Variants in SEC11A observed in about 807,000 individuals in gnomAD.
SEC11A encodes SEC11 homolog A, signal peptidase complex subunit.
SEC11A carries 14 observed loss-of-function variants against 25.6 expected under a neutral mutation model. The observed-to-expected ratio is 0.55, with a 90% CI of 0.36 to 0.85. The LOEUF (loss-of-function observed/expected upper bound fraction) is 0.85, where lower values mean the gene tolerates loss of function less well. Ranked by LOEUF, SEC11A falls within the 40% of genes least tolerant of loss-of-function variation. SEC11A has a pLI of 0.01. For missense variants in SEC11A, 153 were observed against 222.9 expected (o/e 0.69, Z 2.00); for synonymous variants, 83 against 76.4 (o/e 1.09, Z -0.45).
At chr15:84,678,188 C>G (rs1489636734) in intron 4 of SEC11A, among the ~76,000 whole-genome samples, 1 of 151,552 alleles carries the variant, frequency 6.6e-6, no homozygotes, top group East Asian at 1.9e-4. Context: ...CAGAGCAAGA[C>G]TCTCCAGCCT....
At chr15:84,681,950 GT>G (rs1049208825) in intron 3 of SEC11A, among the ~76,000 whole-genome samples, 5 of 152,068 alleles carry the variant, frequency 3.3e-5, no homozygotes, top group African/African-American at 1.2e-4. Context: ...TGCGCCTGTG[GT>G]TCCAGCTGAG....
intron 1 of SEC11A, among the ~76,000 whole-genome samples, chr15:84,711,104 C>T (rs183737891): frequency 3.3e-5 from 5 of 151,026 alleles, no homozygotes; most frequent in Non-Finnish European, 7.4e-5. Flanking sequence ...TAAGGCTGGG[C>T]GCAGTGACTC....
At chr15:84,714,738 G>A (rs1468209166) in intron 1 of SEC11A, 2 of 152,072 alleles carry the variant, frequency 1.3e-5, no homozygotes, top group East Asian at 3.9e-4. Flanking sequence ...TACCTTACAG[G>A]TGTATAAAGT....
At chr15:84,689,607 TTC>T (rs1382241666) in intron 2 of SEC11A, among the ~76,000 whole-genome samples, 26 of 96,914 alleles carry the variant, frequency 2.7e-4, no homozygotes, top group Admixed American at 7.9e-4. Flanking sequence ...TTTCTTTTCT[TTC>T]TTTTTTTTTT....
At chr15:84,708,116 C>A (rs1898151600) in intron 1 of SEC11A, among the ~76,000 whole-genome samples, 1 of 135,542 alleles carries the variant, frequency 7.4e-6, no homozygotes. Flanking sequence ...GAGACTGAGG[C>A]AAGATAATTG....
chr15:84,680,493 C>G (rs781077224), intron 4 of SEC11A, among the ~76,000 whole-genome samples: 3 of 152,098 alleles, frequency 2.0e-5, no homozygotes, highest in Non-Finnish European at 2.9e-5. Flanking sequence ...CACTAGTATT[C>G]TATTCTTTTA....
chr15:84,703,912 T>C (rs1251452420), intron 1 of SEC11A, among the ~76,000 whole-genome samples: 1 of 152,176 alleles, frequency 6.6e-6, no homozygotes, highest in African/African-American at 2.4e-5. Context: ...ACTTCTTCTG[T>C]GGATGTCAGT....
At chr15:84,680,109 A>C in intron 4 of SEC11A, 1 of 521,612 alleles carries the variant, frequency 1.9e-6, no homozygotes, top group South Asian at 3.5e-5. Context: ...GTACTTCTTA[A>C]GAAATATAAA....
intron 3 of SEC11A, among the ~76,000 whole-genome samples, chr15:84,681,984 G>A (rs1298753259): frequency 6.6e-6 from 1 of 152,120 alleles, no homozygotes; most frequent in East Asian, 1.9e-4. Context: ...CCTAAGCCCA[G>A]GGAGATTGAG....
intron 1 of SEC11A, among the ~76,000 whole-genome samples, chr15:84,712,787 T>C (rs1473459632): frequency 6.6e-6 from 1 of 152,158 alleles, no homozygotes; most frequent in Non-Finnish European, 1.5e-5. Flanking sequence ...ACTCTATGAT[T>C]CCATTTATAT....
chr15:84,674,620 GTGA>G (rs1342398034), intron 4 of SEC11A, among the ~76,000 whole-genome samples: 1 of 152,036 alleles, frequency 6.6e-6, no homozygotes, highest in African/African-American at 2.4e-5. Context: ...ATGCAGTGGT[GTGA>G]TCATAGCTCA....
chr15:84,711,193 G>A (rs947225501), intron 1 of SEC11A, among the ~76,000 whole-genome samples: 1 of 151,898 alleles, frequency 6.6e-6, no homozygotes, highest in Admixed American at 6.6e-5. Flanking sequence ...ACCAGCCTGG[G>A]CAACCTGGTG....
At chr15:84,691,927 C>T (rs1897619960) in intron 1 of SEC11A, 1 of 223,064 alleles carries the variant, frequency 4.5e-6, no homozygotes, top group South Asian at 1.2e-4. Context: ...TTCATTTGGG[C>T]TCCATAATCA....
chr15:84,680,951 G>A (rs1357685910), intron 3 of SEC11A, 119 bp from the exon 4 acceptor site: 5 of 795,896 alleles, frequency 6.3e-6, no homozygotes, highest in African/African-American at 3.4e-5. Context: ...CCATTCTAGT[G>A]TCGAAATAAT....
intron 1 of SEC11A, among the ~76,000 whole-genome samples, chr15:84,707,298 G>A (rs1898125064): frequency 6.8e-6 from 1 of 147,020 alleles, no homozygotes; most frequent in Admixed American, 7.2e-5. Flanking sequence ...CAATTCTCCT[G>A]CCTCAGCCTC....
At chr15:84,696,433 G>A (rs188449563) in intron 1 of SEC11A, among the ~76,000 whole-genome samples, 77 of 152,278 alleles carry the variant, frequency 5.1e-4, no homozygotes, top group African/African-American at 1.8e-3. Context: ...ATTCAGTTAA[G>A]ACTCAAATTT....
chr15:84,681,139 C>T (rs1897273001), intron 3 of SEC11A, among the ~76,000 whole-genome samples: 1 of 152,116 alleles, frequency 6.6e-6, no homozygotes, highest in Non-Finnish European at 1.5e-5. Flanking sequence ...ATAGCATGTA[C>T]AGTACAATCT....
chr15:84,699,335 A>C (rs1178239205), intron 1 of SEC11A, among the ~76,000 whole-genome samples: 1 of 147,832 alleles, frequency 6.8e-6, no homozygotes, highest in Non-Finnish European at 1.5e-5. Context: ...AAAAAAAAAA[A>C]CCAGGAAACA....
intron 1 of SEC11A, among the ~76,000 whole-genome samples, chr15:84,709,568 A>C (rs1277527234): frequency 6.6e-6 from 1 of 151,410 alleles, no homozygotes; most frequent in East Asian, 1.9e-4. Context: ...TCAGCCTCCC[A>C]AGTAGCTGGG....
Sources: allele counts gnomAD v4.1 joint callset (sites outside exome capture counted in the v4.1 genomes callset), GRCh38; gene constraint gnomAD v4.1.1; transcripts MANE v1.5; gene names NCBI Gene and HGNC (gene_info 2026-07-23, HGNC 2026-07-21).